The following SYTL3 variants were observed in gnomAD, a reference collection of about 807,000 sequenced individuals.
SYTL3 encodes synaptotagmin like 3, also known as synaptotagmin-like protein 3.
In SYTL3, 88 loss-of-function variants were observed where a neutral mutation model predicts 82.1. The ratio of observed to expected loss-of-function variants is 1.07; its 90% CI spans 0.90 to 1.28. The LOEUF is 1.28. Among genes scored for constraint, SYTL3 ranks in the 50% most tolerant of loss-of-function variants. The pLI is 0.00. For synonymous variants in SYTL3, 311 were observed against 289.4 expected (o/e 1.07, Z -0.76); for missense variants, 831 against 757.6 (o/e 1.10, Z -1.14).
chr6:158,728,837 C>T (rs1388522143), intron 11 of SYTL3, among the ~76,000 whole-genome samples: 1 of 151,890 alleles, frequency 6.6e-6, no homozygotes, highest in Non-Finnish European at 1.5e-5. Context: ...GGGTGGCTAA[C>T]ATGGTGAAAC....
Position 158,745,472 on chromosome 6 carries a change from G to T in SYTL3, c.856-8G>T, listed in dbSNP as rs1422320629. ...GTAACTTATTATATCTGTTATTCTT[G>T]ATTTCAGGGAAGTTTAATTAGCATT... On this transcript the variant is annotated splice_region_variant and splice_polypyrimidine_tract_variant and intron_variant, in intron 11 of 17. Transcript: ENST00000611299. 6.2e-7 allele frequency: 1 copy of T among 1,605,122 alleles called. No homozygotes were observed. Among genetic ancestry groups the T allele is most frequent in the Non-Finnish European group, 8.5e-7 (1 of 1,177,528 alleles).
intron 17 of SYTL3, among the ~76,000 whole-genome samples, chr6:158,764,121 T>C (rs1196667412): frequency 5.3e-5 from 8 of 152,250 alleles, no homozygotes; most frequent in African/African-American, 2.4e-5. Flanking sequence ...TGTCTTCCTC[T>C]AAGAATCCCT....
intron 11 of SYTL3, among the ~76,000 whole-genome samples, chr6:158,732,380 C>T (rs1011177833): frequency 6.6e-6 from 1 of 152,212 alleles, no homozygotes; most frequent in Non-Finnish European, 1.5e-5. Flanking sequence ...ATATAAATGC[C>T]TGGCTAAAAT....
intron 11 of SYTL3, among the ~76,000 whole-genome samples, chr6:158,727,902 G>A (rs1476016622): frequency 6.6e-6 from 1 of 152,102 alleles, no homozygotes; most frequent in Admixed American, 6.5e-5. Flanking sequence ...ACAAGGGGAG[G>A]GATGAGCTGT....
chr6:158,674,327 T>G lies in SYTL3; in HGVS notation c.330-8598T>G, dbSNP rs529706757. 1.7e-3 allele frequency among the ~76,000 whole-genome samples: 252 copies of G among 152,320 alleles called. 1 individual carries two copies. The highest frequency in any genetic ancestry group is 5.8e-3 in the African/African-American group (241 of 41,546). On this transcript the variant is annotated intron_variant, in intron 5 of 17. Transcript: ENST00000611299. ...TCCCTTATTGTAGTCCCACCGTCTC[T>G]TCATCCTGGCTCTTCCTTCTATCTT...
Position 158,663,306 on chromosome 6 carries a change from T to A in SYTL3, c.38T>A (p.Leu13Ter). 6.2e-7 allele frequency: 1 copy of A among 1,614,086 alleles called. No individual in the cohort carries two copies. Among genetic ancestry groups the A allele is most frequent in the Non-Finnish European group, 8.5e-7 (1 of 1,180,030 alleles). ...QEIDLSALKE[L>*]EREAILQVLY... ...ATAGATCTGAGTGCTCTCAAGGAGT[T>A]AGAACGCGAGGCCATTCTCCAGGTC... Residue 13 changes from leucine to a stop codon, truncating the protein, a stop_gained, in exon 4 of 18, where the codon TTA becomes TAA. Transcript: ENST00000611299. LOFTEE classifies it high-confidence loss of function.
intron 6 of SYTL3, among the ~76,000 whole-genome samples, chr6:158,702,904 C>T (rs1393689326): frequency 6.6e-6 from 1 of 152,102 alleles, no homozygotes; most frequent in Non-Finnish European, 1.5e-5. Context: ...CCTGTAATCC[C>T]AGCACCTTGG....
intron 1 of SYTL3, among the ~76,000 whole-genome samples, chr6:158,650,926 G>C (rs556157202): frequency 5.3e-5 from 8 of 152,258 alleles, no homozygotes; most frequent in African/African-American, 1.9e-4. Flanking sequence ...AATCCAGCCT[G>C]GGCAACAGAG....
At chr6:158,661,541 A>G (rs1213671609) in intron 3 of SYTL3, among the ~76,000 whole-genome samples, 156 bp downstream of exon 3, 1 of 152,222 alleles carries the variant, frequency 6.6e-6, no homozygotes, top group Non-Finnish European at 1.5e-5. Context: ...CAACCTCTGC[A>G]GTTGGGATGA....
chr6:158,733,132 A>G (rs1785635495), intron 11 of SYTL3, among the ~76,000 whole-genome samples: 1 of 152,094 alleles, frequency 6.6e-6, no homozygotes, highest in African/African-American at 2.4e-5. Context: ...GCCCTATCCT[A>G]TGTAGCTGTT....
Position 158,707,231 on chromosome 6 carries a change from C to G in SYTL3, c.396C>G (p.Gly132=), listed in dbSNP as rs1262208848. ...EERAKKFPTG[G]KHETVGGQLL... is the part of the protein sequence containing the mutation. The stretch of plus-strand genomic sequence containing the variant: ...GCCCTCTATGGATATCTCTCGCAGG[C>G]AAACATGAGACAGTTGGAGGGCAGC... Residue 132 remains glycine (G), a splice_region_variant and synonymous_variant, in exon 7 of 18, where the codon GGC becomes GGG. Coordinates refer to ENST00000611299, the MANE Select transcript of SYTL3 (RefSeq NM_001242394.2). 5.6e-6 allele frequency: 9 copies of G among 1,613,748 alleles called. No individual in the cohort carries two copies. Among genetic ancestry groups the G allele is most frequent in the Middle Eastern group, 1.7e-4 (1 of 6,032 alleles).
chr6:158,665,946 C>CA (rs1463764031), intron 5 of SYTL3, among the ~76,000 whole-genome samples: 2 of 151,788 alleles, frequency 1.3e-5, no homozygotes, highest in Non-Finnish European at 2.9e-5. Context: ...CCCATCTCTA[C>CA]AAAAAAATAC....
At chr6:158,687,447 T>G (rs1197062065) in intron 6 of SYTL3, among the ~76,000 whole-genome samples, 1 of 152,196 alleles carries the variant, frequency 6.6e-6, no homozygotes, top group Admixed American at 6.5e-5. Flanking sequence ...TCATTTCTGC[T>G]ATGCCCTATG....
At chr6:158,702,307 C>T (rs1781397263) in intron 6 of SYTL3, among the ~76,000 whole-genome samples, 1 of 122,536 alleles carries the variant, frequency 8.2e-6, no homozygotes, top group Non-Finnish European at 1.7e-5. Flanking sequence ...GCCTGGGCAA[C>T]AAGAGTGAGA....
intron 6 of SYTL3, among the ~76,000 whole-genome samples, chr6:158,685,903 A>G (rs1474437241): frequency 6.6e-6 from 1 of 152,182 alleles, no homozygotes; most frequent in Non-Finnish European, 1.5e-5. Context: ...CCTTTTCCAC[A>G]TCAATTCCTA....
At chr6:158,733,922 C>A (rs540707207) in intron 11 of SYTL3, among the ~76,000 whole-genome samples, 1 of 151,010 alleles carries the variant, frequency 6.6e-6, no homozygotes, top group African/African-American at 2.4e-5. Context: ...ACGGTGAAAC[C>A]CCGTCTCTAC....
At chr6:158,663,479 A>G (rs923771990) in intron 4 of SYTL3, 101 bp downstream of exon 4, 2 of 1,514,126 alleles carry the variant, frequency 1.3e-6, no homozygotes. Flanking sequence ...ATCACTACCC[A>G]CCTGCTGCTG....
At chr6:158,688,504 T>C (rs888607810) in intron 6 of SYTL3, among the ~76,000 whole-genome samples, 1 of 152,196 alleles carries the variant, frequency 6.6e-6, no homozygotes, top group Non-Finnish European at 1.5e-5. Flanking sequence ...GGCTCATGCC[T>C]GTAATCCCAG....
intron 10 of SYTL3, among the ~76,000 whole-genome samples, chr6:158,720,635 C>T (rs1003993330): frequency 6.6e-6 from 1 of 152,132 alleles, no homozygotes; most frequent in African/African-American, 2.4e-5. Flanking sequence ...CACAGGAAAC[C>T]ACTCAGAGGC....
Sources: gnomAD v4.1 joint callset for allele counts (sites outside exome capture counted in the v4.1 genomes callset) on GRCh38, gnomAD v4.1.1 for gene constraint, MANE v1.5 for transcripts, NCBI Gene and HGNC (gene_info 2026-07-23, HGNC 2026-07-21) for gene names.